The following DMD variants were observed in gnomAD, a reference collection of about 807,000 sequenced individuals.
The protein encoded by DMD is dystrophin.
In DMD, 63 loss-of-function variants were observed where a neutral mutation model predicts 330.1. The observed-to-expected ratio is 0.19, with a 90% CI of 0.16 to 0.24. DMD has a LOEUF of 0.24. DMD is among the 10% of genes least tolerant of loss of function. DMD has a pLI of 1.00. For synonymous variants in DMD, 1,223 were observed against 959.8 expected, an observed-to-expected ratio of 1.27 and a Z score of -5.07; for missense variants, 3,344 against 2,684.1, an observed-to-expected ratio of 1.25 and a Z score of -5.43.
At chrX:31,378,801 C>T (rs755906113) in intron 60 of DMD, among the ~76,000 whole-genome samples, 1 of 110,291 alleles carries the variant, frequency 9.1e-6, no homozygotes, top group East Asian at 2.8e-4. Flanking sequence ...TCCTTTTTCT[C>T]CCTTAGCCTG....
intron 51 of DMD, among the ~76,000 whole-genome samples, chrX:31,771,822 A>C (rs2090361281): frequency 9.0e-6 from 1 of 111,517 alleles, no homozygotes; most frequent in Non-Finnish European, 1.9e-5. Flanking sequence ...TTTTTGACCT[A>C]TATTTAAAGA....
At chrX:32,756,661 C>A (rs112054041) in intron 7 of DMD, among the ~76,000 whole-genome samples, 1,770 of 111,522 alleles carry the variant, frequency 0.016, 35 homozygotes, top group African/African-American at 0.054. Flanking sequence ...GAGGGACATT[C>A]CAAGGACAAT....
intron 1 of DMD, among the ~76,000 whole-genome samples, chrX:33,231,949 A>G (rs1314922600): frequency 9.0e-6 from 1 of 111,382 alleles, no homozygotes; most frequent in Admixed American, 9.6e-5. Context: ...AGGAAATGCA[A>G]TTTATAGGGG....
intron 55 of DMD, among the ~76,000 whole-genome samples, chrX:31,545,209 T>C (rs2074078228): frequency 8.9e-6 from 1 of 112,021 alleles, no homozygotes; most frequent in South Asian, 3.7e-4. Context: ...CTACCCAGGA[T>C]CAGAACCAGA....
intron 47 of DMD, among the ~76,000 whole-genome samples, chrX:31,888,392 T>G (rs2094186509): frequency 9.0e-6 from 1 of 111,616 alleles, no homozygotes; most frequent in Non-Finnish European, 1.9e-5. Context: ...CCAATATCCC[T>G]CTACCTTGAA....
chrX:31,131,699 C>T (rs2034528702), intron 77 of DMD, among the ~76,000 whole-genome samples: 2 of 111,529 alleles, frequency 1.8e-5, no homozygotes, highest in South Asian at 3.8e-4. Flanking sequence ...CCAAACTTGA[C>T]GGTATATGTG....
At chrX:33,203,420 C>A (rs778557757) in intron 1 of DMD, among the ~76,000 whole-genome samples, 14 of 111,147 alleles carry the variant, frequency 1.3e-4, no homozygotes, top group Admixed American at 2.9e-4. Flanking sequence ...ATACGTTATA[C>A]AATTTAAATA....
intron 25 of DMD, among the ~76,000 whole-genome samples, chrX:32,460,893 T>C (rs1024369969): frequency 1.8e-5 from 2 of 112,007 alleles, no homozygotes; most frequent in African/African-American, 3.2e-5. Flanking sequence ...TACTTTCCAT[T>C]TTCACCACTA....
intron 67 of DMD, among the ~76,000 whole-genome samples, chrX:31,198,972 T>C (rs768371968): frequency 1.8e-5 from 2 of 112,126 alleles, no homozygotes; most frequent in Non-Finnish European, 3.8e-5. Flanking sequence ...GGGATCACAT[T>C]GACACATTAA....
chrX:31,849,880 TAA>T (rs2093491952), intron 48 of DMD, among the ~76,000 whole-genome samples: 1 of 111,497 alleles, frequency 9.0e-6, no homozygotes, highest in Admixed American at 9.6e-5. Flanking sequence ...TTGTAAACAT[TAA>T]GTGTCCATTC....
intron 2 of DMD, among the ~76,000 whole-genome samples, chrX:32,866,365 C>A (rs567337514): frequency 2.7e-5 from 3 of 112,202 alleles, no homozygotes; most frequent in African/African-American, 9.7e-5. Flanking sequence ...TGGCTTATTA[C>A]ACAGCAATAG....
intron 42 of DMD, among the ~76,000 whole-genome samples, chrX:32,300,987 C>A (rs1256478504): frequency 9.1e-6 from 1 of 110,438 alleles, no homozygotes; most frequent in Non-Finnish European, 1.9e-5. Flanking sequence ...TAAGCAACTT[C>A]ATAGGTAGCT....
chrX:33,170,198 G>A (rs1200478109), intron 1 of DMD, among the ~76,000 whole-genome samples: 1 of 111,087 alleles, frequency 9.0e-6, no homozygotes, highest in Non-Finnish European at 1.9e-5. Flanking sequence ...CGAGGGCTTT[G>A]CCGTTCCCAA....
At chrX:32,138,711 T>C (rs750928325) in intron 44 of DMD, among the ~76,000 whole-genome samples, 34 of 111,928 alleles carry the variant, frequency 3.0e-4, no homozygotes, top group Admixed American at 5.7e-4. Context: ...CCATGAGGAC[T>C]CAAATATTGA....
chrX:32,554,878 GAAGAAAGAAAGA>G lies in DMD; in HGVS notation c.1993-9556_1993-9545del, dbSNP rs769646135. Reference sequence around the variant, plus strand: ...AGAGAGAGAGAGAGAGAGAAGGAAAGAAGAAAGAAAGAAAGAAAGAAAGAAAGAAAGAAAGAA... The same window carrying G: ...AGAGAGAGAGAGAGAGAGAAGGAAAGAAGAAAGAAAGAAAGAAAGAAAGAA... On this transcript the variant is annotated intron_variant, in intron 16 of 78. Coordinates refer to ENST00000357033, the MANE Select transcript of DMD (RefSeq NM_004006.3). 6.7e-3 allele frequency among the ~76,000 whole-genome samples: 219 copies of G among 32,714 alleles called. 2 individuals are homozygous for G. Among genetic ancestry groups the G allele is most frequent in the Middle Eastern group, 0.018 (1 of 55 alleles). 28.4% of individuals were successfully genotyped at this position (32,714 alleles called of 115,157 possible). A position where few individuals can be genotyped will look rare whatever the true frequency, so the allele number is the denominator to read the frequency against.
intron 63 of DMD, among the ~76,000 whole-genome samples, chrX:31,242,262 CAAAAA>C (rs72176984): frequency 4.1e-5 from 1 of 24,643 alleles, no homozygotes; most frequent in Non-Finnish European, 7.7e-5. Flanking sequence ...TCTCAAAAAG[CAAAAA>C]AAAAAAAAAA....
chrX:32,036,569 C>G (rs747720175), intron 44 of DMD, among the ~76,000 whole-genome samples: 1 of 111,352 alleles, frequency 9.0e-6, no homozygotes, highest in Non-Finnish European at 1.9e-5. Context: ...AGGTGATGAG[C>G]TCAGGTGAGT....
At chrX:32,616,520 A>T (rs1050226379) in intron 11 of DMD, among the ~76,000 whole-genome samples, 3 of 110,208 alleles carry the variant, frequency 2.7e-5, no homozygotes, top group African/African-American at 9.9e-5. Flanking sequence ...GACATTGGGA[A>T]GTCTCTTAGT....
At chrX:32,576,310 AT>A (rs1274975989) in intron 13 of DMD, among the ~76,000 whole-genome samples, 1 of 111,124 alleles carries the variant, frequency 9.0e-6, no homozygotes, top group Admixed American at 9.6e-5. Context: ...CCAGCATGCG[AT>A]TTTTTTCTTG....
Sources: allele counts gnomAD v4.1 joint callset (sites outside exome capture counted in the v4.1 genomes callset), GRCh38; gene constraint gnomAD v4.1.1; transcripts MANE v1.5; gene names NCBI Gene and HGNC (gene_info 2026-07-23, HGNC 2026-07-21).